Variants in UST observed in about 807,000 individuals in gnomAD.
UST encodes chondroitin sulfate 2-O-sulfotransferase.
Under a neutral mutation model 45.6 loss-of-function variants are expected in UST, and 21 were observed. The ratio of observed to expected loss-of-function variants is 0.46; its 90% confidence interval spans 0.33 to 0.66. UST has a LOEUF of 0.66. UST is among the 30% of genes least tolerant of loss of function. UST has a pLI of 0.02. For synonymous variants in UST, 215 were observed against 200.6 expected, an observed-to-expected ratio of 1.07 and a Z score of -0.61; for missense variants, 463 against 512.4, an observed-to-expected ratio of 0.90 and a Z score of 0.93.
intron 7 of UST, among the ~76,000 whole-genome samples, chr6:149,045,571 G>C (rs1776384381): frequency 6.6e-6 from 1 of 152,156 alleles, no homozygotes; most frequent in African/African-American, 2.4e-5. Context: ...TCTAGGCACA[G>C]GCTTAGTAAC....
At chr6:149,006,125 C>T (rs1480795531) in intron 5 of UST, among the ~76,000 whole-genome samples, 2 of 152,278 alleles carry the variant, frequency 1.3e-5, no homozygotes, top group South Asian at 2.1e-4. Context: ...CTGTGCAGGA[C>T]ATGCAGTTTT....
intron 1 of UST, among the ~76,000 whole-genome samples, chr6:148,752,411 G>A (rs1181847873): frequency 2.0e-5 from 3 of 152,152 alleles, no homozygotes; most frequent in Non-Finnish European, 4.4e-5. Flanking sequence ...TGATATTCTT[G>A]TTCATAGCTA....
chr6:148,810,042 C>A (rs759168999), intron 1 of UST, among the ~76,000 whole-genome samples: 9 of 152,174 alleles, frequency 5.9e-5, no homozygotes, highest in Non-Finnish European at 1.0e-4. Flanking sequence ...GTTTTTCCCA[C>A]ATTTTAAAAT....
chr6:148,985,221 C>G (rs1254762706), intron 5 of UST, among the ~76,000 whole-genome samples: 1 of 152,130 alleles, frequency 6.6e-6, no homozygotes, highest in Non-Finnish European at 1.5e-5. Flanking sequence ...GGTAATCAAT[C>G]TACTAAAATA....
intron 1 of UST, among the ~76,000 whole-genome samples, chr6:148,879,952 C>CTTTTTTTTTTTTT (rs766758383): frequency 1.7e-5 from 2 of 119,886 alleles, no homozygotes; most frequent in African/African-American, 3.1e-5. Flanking sequence ...TTTTTTTTTT[C>CTTTTTTTTTTTTT]TTTTTTTTTT....
chr6:148,800,514 A>G (rs1777034694), intron 1 of UST, among the ~76,000 whole-genome samples: 1 of 152,068 alleles, frequency 6.6e-6, no homozygotes, highest in Non-Finnish European at 1.5e-5. Context: ...TCCTTGTCTT[A>G]TGGTATGAGA....
At chr6:148,893,115 G>A (rs1050339219) in intron 2 of UST, among the ~76,000 whole-genome samples, 3 of 149,816 alleles carry the variant, frequency 2.0e-5, no homozygotes, top group Non-Finnish European at 4.5e-5. Context: ...AGTATATTGA[G>A]GGTTAAGATA....
chr6:148,769,549 T>C (rs963382976), intron 1 of UST, among the ~76,000 whole-genome samples: 1 of 152,270 alleles, frequency 6.6e-6, no homozygotes, highest in South Asian at 2.1e-4. Context: ...GTTGGAACTT[T>C]AGAGGGACTC....
chr6:148,888,801 A>G (rs1778957571), intron 2 of UST, among the ~76,000 whole-genome samples: 1 of 152,236 alleles, frequency 6.6e-6, no homozygotes, highest in African/African-American at 2.4e-5. Context: ...AGAAATACAA[A>G]TATGAAACAA....
chr6:149,043,747 GC>G (rs2115032769), intron 7 of UST, among the ~76,000 whole-genome samples: 1 of 152,372 alleles, frequency 6.6e-6, no homozygotes, highest in South Asian at 2.1e-4. Flanking sequence ...TGGTGACCAA[GC>G]CTTTTGTTTA....
At chr6:148,802,594 C>T (rs1052439628) in intron 1 of UST, among the ~76,000 whole-genome samples, 7 of 152,118 alleles carry the variant, frequency 4.6e-5, no homozygotes, top group Non-Finnish European at 1.0e-4. Flanking sequence ...TGCTGTTTCC[C>T]TCTATATGGA....
chr6:149,050,938 G>C (rs570468704), intron 7 of UST, among the ~76,000 whole-genome samples: 1 of 152,328 alleles, frequency 6.6e-6, no homozygotes, highest in African/African-American at 2.4e-5. Context: ...AGGCCCACAT[G>C]CCAAGGCTAA....
intron 1 of UST, among the ~76,000 whole-genome samples, chr6:148,859,059 T>G (rs903551339): frequency 3.9e-5 from 6 of 152,232 alleles, no homozygotes; most frequent in Non-Finnish European, 5.9e-5. Flanking sequence ...TTCTAGATCC[T>G]TGAGGAATCT....
intron 2 of UST, among the ~76,000 whole-genome samples, chr6:148,918,330 G>T (rs75879846): frequency 0.033 from 4,974 of 152,228 alleles, 282 homozygotes; most frequent in African/African-American, 0.11. Flanking sequence ...ATTTTTATCC[G>T]GTCTTACATA....
chr6:148,891,555 G>A (rs981793592), intron 2 of UST, among the ~76,000 whole-genome samples: 3 of 152,128 alleles, frequency 2.0e-5, no homozygotes, highest in Non-Finnish European at 2.9e-5. Context: ...AGAGGGACAG[G>A]CTAACTTGCC....
intron 4 of UST, among the ~76,000 whole-genome samples, chr6:148,963,187 G>C (rs910969228): frequency 1.3e-5 from 2 of 152,202 alleles, no homozygotes; most frequent in African/African-American, 4.8e-5. Context: ...GCTGGGTTTT[G>C]AAAGGTGAAT....
At chr6:148,959,968 G>A (rs1002379718) in intron 4 of UST, among the ~76,000 whole-genome samples, 2 of 152,004 alleles carry the variant, frequency 1.3e-5, no homozygotes, top group African/African-American at 4.8e-5. Flanking sequence ...TCTTGTTACT[G>A]TGACGGGCTC....
chr6:148,899,293 G>T (rs1302967441), intron 2 of UST, among the ~76,000 whole-genome samples: 2 of 151,958 alleles, frequency 1.3e-5, no homozygotes, highest in Non-Finnish European at 2.9e-5. Flanking sequence ...TGGAGACGGG[G>T]TTTCACCATG....
chr6:148,870,753 C>T (rs775435861), intron 1 of UST, among the ~76,000 whole-genome samples: 4 of 152,164 alleles, frequency 2.6e-5, no homozygotes, highest in Non-Finnish European at 4.4e-5. Flanking sequence ...ACAGGCTGCC[C>T]ACCATCTCCT....
Sources: allele counts gnomAD v4.1 joint callset (sites outside exome capture counted in the v4.1 genomes callset), GRCh38; gene constraint gnomAD v4.1.1; transcripts MANE v1.5; gene names NCBI Gene and HGNC (gene_info 2026-07-23, HGNC 2026-07-21).